The following TYW1B variants were observed in gnomAD, a reference collection of about 807,000 sequenced individuals.
TYW1B encodes the protein S-adenosyl-L-methionine-dependent tRNA 4-demethylwyosine synthase TYW1B.
TYW1B carries 73 observed loss-of-function variants against 86.9 expected under a neutral mutation model. The observed-to-expected ratio is 0.84, with a 90% CI of 0.70 to 1.02. The LOEUF (loss-of-function observed/expected upper bound fraction) is 1.02, where lower values mean the gene tolerates loss of function less well. Ranked by LOEUF, TYW1B falls within the 50% of genes least tolerant of loss-of-function variation. The pLI is 0.00. For missense variants in TYW1B, 637 were observed against 827.4 expected (o/e 0.77, Z 2.82); for synonymous variants, 248 against 292.8 (o/e 0.85, Z 1.56).
At chr7:72,611,679 T>C (rs1315495664) in intron 13 of TYW1B, among the ~76,000 whole-genome samples, 2 of 152,168 alleles carry the variant, frequency 1.3e-5, no homozygotes, top group African/African-American at 2.4e-5. Flanking sequence ...GGGACCATTG[T>C]TTACTCATCT....
At chr7:72,709,420 G>A (rs1554454233) in intron 10 of TYW1B, among the ~76,000 whole-genome samples, 2 of 152,174 alleles carry the variant, frequency 1.3e-5, no homozygotes, top group Non-Finnish European at 2.9e-5. Flanking sequence ...TGTAATCCCA[G>A]CACTTTGGGA....
chr7:72,620,619 C>A (rs1384831161), intron 12 of TYW1B, among the ~76,000 whole-genome samples: 1 of 152,074 alleles, frequency 6.6e-6, no homozygotes, highest in Non-Finnish European at 1.5e-5. Flanking sequence ...GCTGCGACTG[C>A]CCCACTTCAT....
At chr7:72,764,204 CTG>C (rs1160678484) in intron 7 of TYW1B, among the ~76,000 whole-genome samples, 1 of 152,200 alleles carries the variant, frequency 6.6e-6, no homozygotes, top group African/African-American at 2.4e-5. Flanking sequence ...TTGTGAACCA[CTG>C]TTACTGTTCT....
At chr7:72,665,491 C>G (rs1167425901) in intron 11 of TYW1B, among the ~76,000 whole-genome samples, 2 of 152,180 alleles carry the variant, frequency 1.3e-5, no homozygotes, top group African/African-American at 4.8e-5. Flanking sequence ...TGCAGCTGAT[C>G]TGAATCCCAA....
At chr7:72,580,002 C>T (rs1430077494) in intron 13 of TYW1B, among the ~76,000 whole-genome samples, 2 of 152,162 alleles carry the variant, frequency 1.3e-5, no homozygotes, top group African/African-American at 4.8e-5. Flanking sequence ...GGGCTTACCC[C>T]TATAACCTCA....
chr7:72,809,525 C>T (rs1226029177), intron 4 of TYW1B, among the ~76,000 whole-genome samples: 3 of 151,980 alleles, frequency 2.0e-5, no homozygotes, highest in Non-Finnish European at 4.4e-5. Context: ...TAGTGGTGCA[C>T]GCCTATAGTT....
At chr7:72,713,023 G>A (rs1437389283) in intron 10 of TYW1B, among the ~76,000 whole-genome samples, 2 of 151,958 alleles carry the variant, frequency 1.3e-5, no homozygotes, top group Admixed American at 6.6e-5. Flanking sequence ...ATTAGACCAG[G>A]CGCAGTGGCT....
chr7:72,768,881 G>T (rs1787820094), intron 7 of TYW1B: 2 of 336,804 alleles, frequency 5.9e-6, no homozygotes, highest in East Asian at 9.0e-5. Flanking sequence ...GGTTTACTGT[G>T]GAGCAGTTGG....
At chr7:72,739,529 C>G (rs1454286576) in intron 8 of TYW1B, among the ~76,000 whole-genome samples, 1 of 151,252 alleles carries the variant, frequency 6.6e-6, no homozygotes, top group Non-Finnish European at 1.5e-5. Context: ...TGGCGTGAAC[C>G]CGGGAGGCGG....
At chr7:72,721,090 G>A (rs375399668) in intron 9 of TYW1B, among the ~76,000 whole-genome samples, 1 of 151,974 alleles carries the variant, frequency 6.6e-6, no homozygotes, top group East Asian at 1.9e-4. Flanking sequence ...ATCCTTTTTT[G>A]TGGCTGCATA....
intron 5 of TYW1B, among the ~76,000 whole-genome samples, chr7:72,804,996 T>C (rs1788468632): frequency 6.6e-6 from 1 of 152,054 alleles, no homozygotes; most frequent in African/African-American, 2.4e-5. Context: ...TCACATCAAA[T>C]CAAATCAAAA....
intron 7 of TYW1B, among the ~76,000 whole-genome samples, chr7:72,757,439 A>T (rs1200049981): frequency 2.6e-5 from 4 of 152,128 alleles, no homozygotes; most frequent in Non-Finnish European, 5.9e-5. Flanking sequence ...TATAAAAAAA[A>T]ACAATGGAGA....
chr7:72,655,057 G>A (rs1459278435), intron 11 of TYW1B, among the ~76,000 whole-genome samples: 1 of 152,152 alleles, frequency 6.6e-6, no homozygotes, highest in Non-Finnish European at 1.5e-5. Context: ...ATGTCATCAA[G>A]ATGGTTGACT....
chr7:72,755,397 C>T (rs995504418), intron 7 of TYW1B, among the ~76,000 whole-genome samples: 1 of 152,036 alleles, frequency 6.6e-6, no homozygotes, highest in Non-Finnish European at 1.5e-5. Flanking sequence ...CCAGCCTGGC[C>T]GGGCGTGATG....
At chr7:72,705,021 G>GA (rs1814579773) in intron 10 of TYW1B, among the ~76,000 whole-genome samples, 1 of 152,066 alleles carries the variant, frequency 6.6e-6, no homozygotes, top group Admixed American at 6.6e-5. Flanking sequence ...GGGGGGCGGG[G>GA]AACTTCTATT....
At chr7:72,783,060 C>A (rs1481480846) in intron 6 of TYW1B, among the ~76,000 whole-genome samples, 1 of 152,062 alleles carries the variant, frequency 6.6e-6, no homozygotes, top group Non-Finnish European at 1.5e-5. Flanking sequence ...GACATTTAGA[C>A]CACATTTCTT....
chr7:72,733,781 A>G (rs1164864061), intron 8 of TYW1B, among the ~76,000 whole-genome samples: 1 of 152,214 alleles, frequency 6.6e-6, no homozygotes, highest in African/African-American at 2.4e-5. Context: ...AAATATAGTT[A>G]AAGTTATCAT....
chr7:72,601,650 G>T (rs1394419157), intron 13 of TYW1B, among the ~76,000 whole-genome samples: 3 of 149,798 alleles, frequency 2.0e-5, no homozygotes, highest in South Asian at 2.1e-4. Context: ...ACCAACTGTG[G>T]TACATCCACA....
chr7:72,670,109 T>C (rs1813562570), intron 11 of TYW1B, among the ~76,000 whole-genome samples: 1 of 152,126 alleles, frequency 6.6e-6, no homozygotes, highest in South Asian at 2.1e-4. Flanking sequence ...CCAGCCTGGG[T>C]GACAGAATGA....
Sources: gnomAD v4.1 joint callset for allele counts (sites outside exome capture counted in the v4.1 genomes callset) on GRCh38, gnomAD v4.1.1 for gene constraint, MANE v1.5 for transcripts, NCBI Gene and HGNC (gene_info 2026-07-23, HGNC 2026-07-21) for gene names.